Variants in SNORC observed in about 807,000 individuals in gnomAD.
The protein encoded by SNORC is secondary ossification center associated regulator of chondrocyte maturation.
Under a neutral mutation model 9.7 loss-of-function variants are expected in SNORC, and 11 were observed. The observed-to-expected ratio is 1.14, with a 90% confidence interval of 0.72 to 1.88. The LOEUF is 1.88. Among genes scored for constraint, SNORC ranks in the 40% most tolerant of loss-of-function variants. SNORC has a pLI of 0.00. For synonymous variants in SNORC, 108 were observed against 88.7 expected (o/e 1.22, Z -1.22); for missense variants, 197 against 173.1 (o/e 1.14, Z -0.77).
intron 1 of SNORC, among the ~76,000 whole-genome samples, chr2:232,875,027 A>C (rs888128853): frequency 1.3e-5 from 2 of 152,204 alleles, no homozygotes; most frequent in African/African-American, 4.8e-5. Flanking sequence ...CCTGGATCAC[A>C]GTCTCTATCC....
downstream of SNORC, chr2:232,878,698 T>A (rs537457177): frequency 6.5e-6 from 1 of 152,756 alleles, no homozygotes; most frequent in South Asian, 2.1e-4. Context: ...GACCTTCATC[T>A]TCTTTATTTT....
At chr2:232,871,078 C>T (rs542907376) in intron 1 of SNORC, among the ~76,000 whole-genome samples, 4 of 152,270 alleles carry the variant, frequency 2.6e-5, no homozygotes, top group East Asian at 3.9e-4. Context: ...AGGGCGCAGA[C>T]GGGTTACAGG....
chr2:232,871,257 G>A (rs1184735797), intron 1 of SNORC, among the ~76,000 whole-genome samples: 1 of 152,168 alleles, frequency 6.6e-6, no homozygotes, highest in Non-Finnish European at 1.5e-5. Flanking sequence ...AGCTTCTGGG[G>A]GACGACAGGC....
chr2:232,870,589 G>C (rs1190561360), intron 1 of SNORC, among the ~76,000 whole-genome samples, 175 bp downstream of exon 1: 3 of 152,224 alleles, frequency 2.0e-5, no homozygotes, highest in Non-Finnish European at 4.4e-5. Context: ...GCAGCTGTGT[G>C]GGATGGACGT....
chr2:232,874,456 G>C (rs1574972962), intron 1 of SNORC, among the ~76,000 whole-genome samples: 1 of 152,320 alleles, frequency 6.6e-6, no homozygotes, highest in East Asian at 1.9e-4. Flanking sequence ...GGAACATTGA[G>C]CTGTCTCCTT....
exon 2 of SNORC, chr2:232,875,946 T>A: frequency 6.4e-7 from 1 of 1,552,172 alleles, no homozygotes; most frequent in Non-Finnish European, 8.7e-7. Context: ...GCAGACGATG[T>A]TCCACAGGAG....
chr2:232,872,222 G>A (rs1344310927), intron 1 of SNORC, among the ~76,000 whole-genome samples: 2 of 152,166 alleles, frequency 1.3e-5, no homozygotes, highest in African/African-American at 2.4e-5. Context: ...GGGAAGGAGC[G>A]GCCTTGTGGG....
chr2:232,875,690 A>C, intron 1 of SNORC: 1 of 556,520 alleles, frequency 1.8e-6, no homozygotes, highest in Non-Finnish European at 3.2e-6. Context: ...TAAGCAGAGA[A>C]GGGCTTTGTG....
chr2:232,875,969 C>A, exon 2 of SNORC: 1 of 1,554,026 alleles, frequency 6.4e-7, no homozygotes. Flanking sequence ...CGTGCCCACG[C>A]TGTGGAACGA....
At chr2:232,871,044 C>T (rs1263360527) in intron 1 of SNORC, among the ~76,000 whole-genome samples, 2 of 152,218 alleles carry the variant, frequency 1.3e-5, no homozygotes, top group African/African-American at 2.4e-5. Context: ...CTGGCCCAGG[C>T]TGGCTTCAGA....
chr2:232,877,951 T>A (rs1691338803), downstream of SNORC: 1 of 151,842 alleles, frequency 6.6e-6, no homozygotes, highest in Non-Finnish European at 1.5e-5. Flanking sequence ...TTCCCAACCC[T>A]CCCCTCCAGG....
At chr2:232,876,883 C>G, downstream of SNORC, 1 of 985,484 alleles carries the variant, frequency 1.0e-6, no homozygotes, top group Admixed American at 6.1e-5. The surrounding 1 kb of genome is among the most constrained non-coding windows in gnomAD (Gnocchi z 6.8). Context: ...GGGCCTGCCT[C>G]CCATCCCGCT....
At position 232,876,140 on chromosome 2, in the gene SNORC, G is replaced by A. The variant is rs763520404; in HGVS notation, c.256+18G>A. 4.1e-6 allele frequency: 6 copies of A among 1,476,182 alleles called. No individual in the cohort carries two copies. The highest frequency in any genetic ancestry group is 5.4e-6 in the Non-Finnish European group (6 of 1,117,562). 91.4% of individuals were successfully genotyped at this position (1,476,182 alleles called of 1,614,324 possible). A position where few individuals can be genotyped will look rare whatever the true frequency, so the allele number is the denominator to read the frequency against. ...GGGCGGCGGTACGGGCGGGGCGGGG[G>A]AGGGAGGGGAGAGGGAGAAATTAGG... On this transcript the variant is annotated intron_variant, in intron 2 of 2. Transcript: ENST00000331342. The surrounding 1 kb of genome is among the most constrained non-coding windows in gnomAD (Gnocchi z 6.8).
chr2:232,868,522 G>A (rs2106185213), upstream of SNORC, among the ~76,000 whole-genome samples: 1 of 152,160 alleles, frequency 6.6e-6, no homozygotes, highest in South Asian at 2.1e-4. Context: ...ATCAACTCTG[G>A]CCTACAAAAA....
chr2:232,870,570 C>T (rs895576168), intron 1 of SNORC, among the ~76,000 whole-genome samples, 156 bp downstream of exon 1: 16 of 152,170 alleles, frequency 1.1e-4, no homozygotes, highest in Admixed American at 9.8e-4. Context: ...CTTGTGAGGC[C>T]GGCTGGCAGC....
chr2:232,875,859 C>T, intron 1 of SNORC, 81 bp from the exon 2 acceptor site: 1 of 1,414,418 alleles, frequency 7.1e-7, no homozygotes, highest in Non-Finnish European at 9.4e-7. Flanking sequence ...CTACCGGCAA[C>T]TTGCTTAACC....
At chr2:232,866,639 C>G (rs1002446614), upstream of SNORC, among the ~76,000 whole-genome samples, 3 of 152,132 alleles carry the variant, frequency 2.0e-5, no homozygotes, top group African/African-American at 7.2e-5. Flanking sequence ...GATTAATTTT[C>G]TGTTTGCACG....
intron 1 of SNORC, among the ~76,000 whole-genome samples, chr2:232,871,367 G>A (rs1159417118): frequency 6.6e-6 from 1 of 152,194 alleles, no homozygotes. Context: ...AGAAGCTTGA[G>A]GCCAGGGTGT....
chr2:232,870,146 C>CTTGTGTGTGTTCT, upstream of SNORC: 1 of 593,162 alleles, frequency 1.7e-6, no homozygotes. Flanking sequence ...CAGGTCTGTT[C>CTTGTGTGTGTTCT]TGTGAGCTCT....
Sources: gnomAD v4.1 joint callset for allele counts (sites outside exome capture counted in the v4.1 genomes callset) on GRCh38, gnomAD v4.1.1 for gene constraint, Gnocchi (gnomAD v3.1) non-coding constraint, MANE v1.5 for transcripts, NCBI Gene and HGNC (gene_info 2026-07-23, HGNC 2026-07-21) for gene names.